Variants in HS3ST4 observed in about 807,000 individuals in gnomAD.
HS3ST4 encodes heparan sulfate-glucosamine 3-sulfotransferase 4.
A neutral mutation model predicts 29.2 loss-of-function variants in HS3ST4; 17 were observed. The ratio of observed to expected loss-of-function variants is 0.58; its 90% CI spans 0.40 to 0.87. The LOEUF is 0.87. Ranked by LOEUF, HS3ST4 falls within the 40% of genes least tolerant of loss-of-function variation. HS3ST4 has a pLI of 0.00. For missense variants in HS3ST4, 627 were observed against 634.5 expected, an observed-to-expected ratio of 0.99 and a Z score of 0.13; for synonymous variants, 314 against 285.7, an observed-to-expected ratio of 1.10 and a Z score of -1.00.
intron 1 of HS3ST4, among the ~76,000 whole-genome samples, chr16:25,891,758 G>T (rs942837040): frequency 7.9e-5 from 12 of 152,202 alleles, no homozygotes; most frequent in African/African-American, 2.7e-4. Context: ...ACTCTAGTCT[G>T]CCACAAGTGG....
At chr16:25,919,826 G>C (rs1968329538) in intron 1 of HS3ST4, among the ~76,000 whole-genome samples, 2 of 152,156 alleles carry the variant, frequency 1.3e-5, no homozygotes, top group Non-Finnish European at 2.9e-5. Context: ...TAATGCTAGA[G>C]GAGTGATAAG....
intron 1 of HS3ST4, among the ~76,000 whole-genome samples, chr16:25,921,112 G>A (rs1968347422): frequency 6.6e-6 from 1 of 152,156 alleles, no homozygotes; most frequent in Admixed American, 6.5e-5. Flanking sequence ...TGAGAGCAGA[G>A]GTCTTTGTTT....
intron 1 of HS3ST4, among the ~76,000 whole-genome samples, chr16:25,863,101 C>G (rs1445837601): frequency 6.6e-6 from 1 of 152,148 alleles, no homozygotes; most frequent in Non-Finnish European, 1.5e-5. Context: ...TTTCTATCCT[C>G]TAACCTATTT....
At chr16:25,923,627 T>G (rs202095033) in intron 1 of HS3ST4, among the ~76,000 whole-genome samples, 2 of 151,986 alleles carry the variant, frequency 1.3e-5, no homozygotes, top group Non-Finnish European at 2.9e-5. Flanking sequence ...AAAATATATG[T>G]GTGTGTGTGT....
Position 25,736,620 on chromosome 16 carries a change from T to C in HS3ST4, c.734+43469T>C, listed in dbSNP as rs77487963. ...GAACATCCTTATACTAAGACATTTA[T>C]CTTCTATCACTCTTGTGTATTCAAT... On this transcript the variant is annotated intron_variant, in intron 1 of 1. Coordinates refer to ENST00000331351, the MANE Select transcript of HS3ST4 (RefSeq NM_006040.3). 4.9e-3 allele frequency among the ~76,000 whole-genome samples: 746 copies of C among 152,354 alleles called. 4 individuals carry two copies. The highest frequency in any genetic ancestry group is 0.016 in the African/African-American group (683 of 41,588).
At position 25,809,559 on chromosome 16, in the gene HS3ST4, G is replaced by A. The variant is rs567421654; in HGVS notation, c.734+116408G>A. 1.5e-4 allele frequency among the ~76,000 whole-genome samples: 23 copies of A among 152,222 alleles called. No homozygotes were observed. In the South Asian group the frequency reaches 1.7e-3, roughly 11 times the overall value. On this transcript the variant is annotated intron_variant, in intron 1 of 1. Transcript: ENST00000331351. ...GTGGTTTCTCCTCTTCTATATTTGG[G>A]AAGAGACTGTGTCCAATTGATGTAT...
rs1240861882 is a variant in HS3ST4 at position 25,971,296 on chromosome 16, A to G, written c.735-164316A>G. 2.0e-5 allele frequency among the ~76,000 whole-genome samples: 3 copies of G among 152,206 alleles called. No homozygotes were observed. In the East Asian group the frequency reaches 5.8e-4, roughly 29 times the overall value. ...ACCTGCAACATAACTTGATAAGGTG[A>G]TGTATCTGATGGAAGCCTGCTTCAA... On this transcript the variant is annotated intron_variant, in intron 1 of 1. Transcript: ENST00000331351.
chr16:25,829,356 A>T (rs1256968668), intron 1 of HS3ST4, among the ~76,000 whole-genome samples: 6 of 152,240 alleles, frequency 3.9e-5, no homozygotes, highest in Non-Finnish European at 8.8e-5. Flanking sequence ...AGGGCAGAGT[A>T]GGCACATGGG....
chr16:26,034,333 G>A (rs1251782037), intron 1 of HS3ST4, among the ~76,000 whole-genome samples: 3 of 152,136 alleles, frequency 2.0e-5, no homozygotes, highest in South Asian at 2.1e-4. Flanking sequence ...ATCTACCACC[G>A]AAGCCTGACC....
At chr16:26,032,168 A>G (rs1430983483) in intron 1 of HS3ST4, among the ~76,000 whole-genome samples, 1 of 152,242 alleles carries the variant, frequency 6.6e-6, no homozygotes, top group Non-Finnish European at 1.5e-5. Flanking sequence ...AGTTAAGTCT[A>G]TGCTGAAAGA....
chr16:25,881,141 A>G (rs926349382), intron 1 of HS3ST4, among the ~76,000 whole-genome samples: 2 of 152,152 alleles, frequency 1.3e-5, no homozygotes, highest in Admixed American at 6.5e-5. Flanking sequence ...GAAAAAATAA[A>G]TAAACAAGAA....
intron 1 of HS3ST4, among the ~76,000 whole-genome samples, chr16:25,903,728 A>G (rs1178508204): frequency 6.6e-6 from 1 of 152,078 alleles, no homozygotes; most frequent in African/African-American, 2.4e-5. Context: ...TCTCTCACAC[A>G]GAGCTTGCAC....
intron 1 of HS3ST4, among the ~76,000 whole-genome samples, chr16:25,883,092 A>G (rs1034796282): frequency 6.6e-6 from 1 of 150,380 alleles, no homozygotes; most frequent in African/African-American, 2.4e-5. Flanking sequence ...AGGCTCCCTG[A>G]CCAGAATCTA....
At chr16:25,874,123 G>T (rs571826834) in intron 1 of HS3ST4, among the ~76,000 whole-genome samples, 1 of 151,992 alleles carries the variant, frequency 6.6e-6, no homozygotes, top group Non-Finnish European at 1.5e-5. Flanking sequence ...AACACTAAGG[G>T]CATATTGTCT....
rs1967031743 is a variant in HS3ST4 at position 25,810,436 on chromosome 16, G to A, written c.734+117285G>A. ...TTGAAAAAATATATATTCTGCTGTT[G>A]TTGGGTGGAGTGCTACATATAGGCC... On this transcript the variant is annotated intron_variant, in intron 1 of 1. Transcript: ENST00000331351. Among the ~76,000 whole-genome samples, 3 of 152,130 alleles carry A rather than the reference G, an allele frequency of 2.0e-5. No individual in the cohort carries two copies. The South Asian group carries it at 6.2e-4, about 31-fold the overall frequency.
At chr16:25,839,519 A>G (rs2141643859) in intron 1 of HS3ST4, among the ~76,000 whole-genome samples, 1 of 152,114 alleles carries the variant, frequency 6.6e-6, no homozygotes, top group Middle Eastern at 3.4e-3. Context: ...CATCCTCTCC[A>G]CCCTCCGGAC....
Position 25,830,557 on chromosome 16 carries a change from A to G in HS3ST4, c.734+137406A>G, listed in dbSNP as rs141134109. 3.0e-4 allele frequency among the ~76,000 whole-genome samples: 45 copies of G among 152,284 alleles called. 1 individual carries two copies. The East Asian group carries it at 8.3e-3, about 28-fold the overall frequency. ...ATCCAATGACTAAGTTGACTTAAAG[A>G]TGTCGCCAGTGTCCCCAGTGTCCTG... is the stretch of plus-strand genomic sequence containing the variant. On this transcript the variant is annotated intron_variant, in intron 1 of 1. Transcript: ENST00000331351.
At chr16:25,806,557 C>T (rs1391604471) in intron 1 of HS3ST4, among the ~76,000 whole-genome samples, 1 of 152,134 alleles carries the variant, frequency 6.6e-6, no homozygotes, top group Non-Finnish European at 1.5e-5. Flanking sequence ...TGTTTGTCTT[C>T]TCCAGCTGCT....
chr16:26,113,314 C>T (rs1031307996), intron 1 of HS3ST4, among the ~76,000 whole-genome samples: 8 of 151,884 alleles, frequency 5.3e-5, no homozygotes, highest in East Asian at 1.9e-4. Context: ...GGTGTAGCGG[C>T]GGGCACCTGT....
Sources: gnomAD v4.1 joint callset for allele counts (sites outside exome capture counted in the v4.1 genomes callset) on GRCh38, gnomAD v4.1.1 for gene constraint, MANE v1.5 for transcripts, NCBI Gene and HGNC (gene_info 2026-07-23, HGNC 2026-07-21) for gene names.